The following GALM variants were observed in gnomAD, a reference collection of about 807,000 sequenced individuals.
GALM encodes galactose mutarotase.
A neutral mutation model predicts 37.4 loss-of-function variants in GALM; 43 were observed. That is an observed-to-expected ratio of 1.15 (90% confidence interval 0.90 to 1.48). The LOEUF (loss-of-function observed/expected upper bound fraction) is 1.48, where lower values mean the gene tolerates loss of function less well. GALM is among the 40% of genes most tolerant of loss of function. The probability of loss-of-function intolerance (pLI) is 0.00; values close to 1 mark genes in which losing one functional copy is unlikely to be tolerated. For synonymous variants in GALM, 199 were observed against 170.6 expected (o/e 1.17, Z -1.30); for missense variants, 456 against 419.1 (o/e 1.09, Z -0.77).
chr2:38,676,461 G>A (rs898883897), intron 2 of GALM, among the ~76,000 whole-genome samples: 2 of 151,986 alleles, frequency 1.3e-5, no homozygotes, highest in African/African-American at 2.4e-5. Flanking sequence ...TGGGAAAACC[G>A]AGGCACTGAA....
At chr2:38,702,932 T>TTATATATATATATATATATA (rs202010853) in intron 4 of GALM, among the ~76,000 whole-genome samples, 53 of 134,862 alleles carry the variant, frequency 3.9e-4, no homozygotes, top group African/African-American at 1.4e-3. Context: ...TATATACTTT[T>TTATATATATATATATATATA]TATATATATA....
In GALM at chr2:38,681,309, T is replaced by C; in HGVS notation, c.375T>C (p.Asn125=). The C allele has an allele frequency of 6.2e-7, 1 of 1,613,652 alleles. No individual in the cohort carries two copies. Among genetic ancestry groups the C allele is most frequent in the Non-Finnish European group, 8.5e-7 (1 of 1,180,010 alleles). Residue 125 remains asparagine (N), a synonymous_variant, in exon 3 of 7, where the codon AAT becomes AAC. Coordinates refer to ENST00000272252, the MANE Select transcript of GALM (RefSeq NM_138801.3). The part of the protein sequence containing the change: ...KVLWTPRVLS[N]GVQFSRISPD... ...TCTGGACCCCTCGGGTGCTGTCAAATGGCGTCCAGTTCTCGCGCATCAGTC... is the reference window on the plus strand; with the variant it reads ...TCTGGACCCCTCGGGTGCTGTCAAACGGCGTCCAGTTCTCGCGCATCAGTC...
intron 4 of GALM, among the ~76,000 whole-genome samples, chr2:38,725,055 A>C (rs1412706752): frequency 1.3e-5 from 2 of 152,202 alleles, no homozygotes; most frequent in African/African-American, 4.8e-5. Flanking sequence ...ACCTGAGTCG[A>C]TCACACTAGG....
At chr2:38,690,000 G>A (rs1315664535) in intron 4 of GALM, 106 bp downstream of exon 4, 2 of 644,500 alleles carry the variant, frequency 3.1e-6, no homozygotes, top group South Asian at 2.0e-5. Flanking sequence ...AAAGTCTACA[G>A]TTTAGTTAAT....
At chr2:38,679,854 A>T (rs546977914) in intron 2 of GALM, among the ~76,000 whole-genome samples, 154 of 152,290 alleles carry the variant, frequency 1.0e-3, no homozygotes, top group African/African-American at 3.5e-3. Flanking sequence ...GTGTCTGTGA[A>T]GTTTGTAGCA....
intron 3 of GALM, chr2:38,682,390 G>T (rs566792464): frequency 3.5e-6 from 1 of 289,550 alleles, no homozygotes; most frequent in South Asian, 2.9e-5. Context: ...ATTTTCTACC[G>T]CAAGATGGTG....
intron 4 of GALM, among the ~76,000 whole-genome samples, chr2:38,722,788 A>G (rs1482846315): frequency 6.6e-6 from 1 of 152,194 alleles, no homozygotes; most frequent in Non-Finnish European, 1.5e-5. Context: ...AGTGAGAAAA[A>G]TCAAGAGCAA....
At chr2:38,730,560 C>G (rs541232066) in intron 5 of GALM, among the ~76,000 whole-genome samples, 2 of 152,074 alleles carry the variant, frequency 1.3e-5, no homozygotes, top group African/African-American at 4.8e-5. Context: ...CCACTGCACC[C>G]GGTCAACAGT....
intron 4 of GALM, among the ~76,000 whole-genome samples, chr2:38,703,395 C>T (rs574502437): frequency 1.2e-4 from 18 of 151,556 alleles, no homozygotes; most frequent in Admixed American, 5.9e-4. Context: ...CGTGAGCCAC[C>T]GCACCCAGCC....
chr2:38,681,421 G>C lies in GALM; in HGVS notation c.487G>C (p.Ala163Pro). The C allele has an allele frequency of 6.2e-7, 1 of 1,614,148 alleles. No individual in the cohort carries two copies. Among genetic ancestry groups the C allele is most frequent in the East Asian group, 2.2e-5 (1 of 44,882 alleles). ...DGGELIVNYR[A>P]QASQATPVNL... ...CGGAGAGCTCATAGTCAACTACAGA[G>C]CACAAGCCAGTCAGGCCACACCAGT... is the stretch of plus-strand genomic sequence containing the variant. The change falls in exon 3 of 7, where the codon GCA (alanine) becomes CCA (proline). Residue 163 changes from alanine to proline, a missense_variant. Transcript: ENST00000272252.
chr2:38,681,836 C>G (rs1291023077), intron 3 of GALM, among the ~76,000 whole-genome samples: 2 of 152,206 alleles, frequency 1.3e-5, no homozygotes, highest in East Asian at 3.8e-4. Flanking sequence ...AAGGTGCCTT[C>G]CACCCTTGGA....
chr2:38,731,159 G>A (rs1234646659), intron 5 of GALM, among the ~76,000 whole-genome samples: 4 of 151,998 alleles, frequency 2.6e-5, no homozygotes, highest in African/African-American at 4.8e-5. Flanking sequence ...CCAAGGGGGC[G>A]GAGGTTGCAG....
intron 3 of GALM, among the ~76,000 whole-genome samples, chr2:38,683,787 G>A (rs908646057): frequency 6.6e-6 from 1 of 152,092 alleles, no homozygotes; most frequent in African/African-American, 2.4e-5. Context: ...AGCTGGTCTC[G>A]AACTCCTGAC....
At chr2:38,716,257 CGT>C (rs534591985) in intron 4 of GALM, among the ~76,000 whole-genome samples, 453 of 152,328 alleles carry the variant, frequency 3.0e-3, no homozygotes, top group African/African-American at 0.01. Flanking sequence ...GCGCCTTTCG[CGT>C]GTCAGATTGT....
At chr2:38,690,359 A>G (rs1172855877) in intron 4 of GALM, among the ~76,000 whole-genome samples, 1 of 151,954 alleles carries the variant, frequency 6.6e-6, no homozygotes, top group East Asian at 1.9e-4. Context: ...AACTAAAGTT[A>G]AAAAAAATTT....
intron 1 of GALM, among the ~76,000 whole-genome samples, chr2:38,671,161 T>G (rs1464301007): frequency 6.6e-6 from 1 of 152,252 alleles, no homozygotes; most frequent in African/African-American, 2.4e-5. Flanking sequence ...CTAGGAACTT[T>G]GAACATTTTC....
intron 6 of GALM, 134 bp downstream of exon 6, chr2:38,732,043 A>T: frequency 1.4e-5 from 11 of 799,432 alleles, no homozygotes; most frequent in Non-Finnish European, 2.0e-5. Flanking sequence ...TTTTTGAGAC[A>T]GAGTCTCACT....
intron 4 of GALM, among the ~76,000 whole-genome samples, chr2:38,728,551 G>A (rs1666532936): frequency 6.6e-6 from 1 of 152,022 alleles, no homozygotes; most frequent in Admixed American, 6.6e-5. Flanking sequence ...AAAGCATGGT[G>A]GTGTGCACCT....
chr2:38,696,002 G>C (rs893609042), intron 4 of GALM, among the ~76,000 whole-genome samples: 1 of 150,942 alleles, frequency 6.6e-6, no homozygotes, highest in Non-Finnish European at 1.5e-5. Context: ...CCCCGCCTGC[G>C]TGTTTGTTTT....
Sources: gnomAD v4.1 joint callset for allele counts (sites outside exome capture counted in the v4.1 genomes callset) on GRCh38, gnomAD v4.1.1 for gene constraint, MANE v1.5 for transcripts, NCBI Gene and HGNC (gene_info 2026-07-23, HGNC 2026-07-21) for gene names.